The following IFT70B variants were observed in gnomAD, a reference collection of about 807,000 sequenced individuals.
IFT70B encodes the protein intraflagellar transport protein 70B.
chr2:177,550,686 T>A, the IFT70B span: 2 of 1,293,142 alleles, frequency 1.5e-6, no homozygotes, highest in Non-Finnish European at 2.1e-6. Context: ...ATGTAACAAA[T>A]ATAAAGATGC....
chr2:177,550,096 G>A, the IFT70B span: 1 of 152,198 alleles, frequency 6.6e-6, no homozygotes, highest in South Asian at 2.1e-4. Context: ...AATAGTAACA[G>A]TGTATCTTGT....
At chr2:177,550,739 T>G in the IFT70B span, 2 of 1,542,478 alleles carry the variant, frequency 1.3e-6, no homozygotes, top group Non-Finnish European at 1.7e-6. Context: ...AACAAAGCCA[T>G]TTGATAAATG....
At chr2:177,551,450 T>C in the IFT70B span, 4 of 1,614,194 alleles carry the variant, frequency 2.5e-6, no homozygotes, top group African/African-American at 5.3e-5. Flanking sequence ...TTGGATAATT[T>C]TCAAGATTCC....
chr2:177,552,720 G>A, the IFT70B span: 1 of 1,592,138 alleles, frequency 6.3e-7, no homozygotes, highest in South Asian at 1.1e-5. Flanking sequence ...CACGACCGCG[G>A]TGAACTCCCC....
chr2:177,552,398 G>C, the IFT70B span: 2 of 1,613,906 alleles, frequency 1.2e-6, no homozygotes, highest in South Asian at 1.1e-5. Context: ...CGCTGTACTT[G>C]ATAGCAGCTT....
the IFT70B span, chr2:177,552,097 G>C: frequency 1.2e-6 from 2 of 1,614,114 alleles, no homozygotes; most frequent in African/African-American, 2.7e-5. Context: ...CCTAGCTCAG[G>C]GTGCTGGCGG....
chr2:177,552,358 C>T, the IFT70B span: 3 of 1,614,104 alleles, frequency 1.9e-6, no homozygotes, highest in Non-Finnish European at 2.5e-6. Context: ...AGCTGCTCTA[C>T]CAGGCTCCTG....
At chr2:177,549,434 G>GA in the IFT70B span, 3 of 152,162 alleles carry the variant, frequency 2.0e-5, no homozygotes, top group East Asian at 1.9e-4. Flanking sequence ...TTCCTTGAAG[G>GA]AAAAAATCAT....
At chr2:177,550,169 GTTCA>G in the IFT70B span, 35 of 152,070 alleles carry the variant, frequency 2.3e-4, no homozygotes, top group Non-Finnish European at 4.4e-4. Flanking sequence ...TTTGATAATC[GTTCA>G]TTGTCTCTAC....
chr2:177,550,080 A>G, the IFT70B span: 1 of 152,236 alleles, frequency 6.6e-6, no homozygotes, highest in Admixed American at 6.5e-5. Context: ...AAAAGTTATC[A>G]TGGAAAATAG....
the IFT70B span, chr2:177,550,907 A>G: frequency 6.2e-7 from 1 of 1,614,046 alleles, no homozygotes. Context: ...CATGAAGTTC[A>G]CAGTGTTCTA....
the IFT70B span, chr2:177,550,779 C>T: frequency 2.5e-6 from 4 of 1,605,182 alleles, no homozygotes; most frequent in Non-Finnish European, 3.4e-6. Flanking sequence ...TATATTCCAT[C>T]CTATAATCTC....
At chr2:177,551,357 G>C in the IFT70B span, 1 of 1,614,222 alleles carries the variant, frequency 6.2e-7, no homozygotes, top group South Asian at 1.1e-5. Flanking sequence ...TTTCCTGCAT[G>C]AACAGAACAT....
the IFT70B span, chr2:177,552,496 A>G: frequency 6.2e-7 from 1 of 1,609,270 alleles, no homozygotes; most frequent in African/African-American, 1.3e-5. Context: ...CAGGCCTTGT[A>G]CAGGGCCTGG....
chr2:177,552,549 C>T, the IFT70B span: 54 of 1,598,468 alleles, frequency 3.4e-5, no homozygotes, highest in South Asian at 5.5e-4. Flanking sequence ...GTGCAGCTGG[C>T]CCAGCTGCTC....
chr2:177,551,314 G>A, the IFT70B span: 63 of 1,613,550 alleles, frequency 3.9e-5, no homozygotes, highest in Non-Finnish European at 4.9e-5. Flanking sequence ...TTGACTATGG[G>A]TTCATAGAAA....
At chr2:177,552,216 G>A in the IFT70B span, 1 of 1,614,256 alleles carries the variant, frequency 6.2e-7, no homozygotes, top group African/African-American at 1.3e-5. Flanking sequence ...GTAGCCCGAG[G>A]CCTGCAGGGC....
the IFT70B span, chr2:177,552,549 C>G: frequency 6.3e-7 from 1 of 1,598,586 alleles, no homozygotes; most frequent in Non-Finnish European, 8.5e-7. Context: ...GTGCAGCTGG[C>G]CCAGCTGCTC....
the IFT70B span, chr2:177,551,974 G>A: frequency 6.2e-7 from 1 of 1,614,242 alleles, no homozygotes; most frequent in South Asian, 1.1e-5. Context: ...TAGTTTCTCA[G>A]TTGGTATTCT....
Sources: gnomAD v4.1 joint callset for allele counts on GRCh38, gnomAD v4.1.1 for gene constraint, MANE v1.5 for transcripts, NCBI Gene and HGNC (gene_info 2026-07-23, HGNC 2026-07-21) for gene names.